Variants in HOMER1 observed in about 807,000 individuals in gnomAD.
HOMER1 encodes the protein homer protein homolog 1.
In HOMER1, 3 loss-of-function variants were observed where a neutral mutation model predicts 48.9. The ratio of observed to expected loss-of-function variants is 0.06; its 90% CI spans 0.03 to 0.16. The LOEUF (loss-of-function observed/expected upper bound fraction) is 0.16. Among genes scored for constraint, HOMER1 ranks in the 10% least tolerant of loss-of-function variants. HOMER1 has a pLI of 1.00. For missense variants in HOMER1, 247 were observed against 411.4 expected (o/e 0.60, Z 3.46); for synonymous variants, 134 against 146.4 (o/e 0.92, Z 0.61).
intron 1 of HOMER1, among the ~76,000 whole-genome samples, chr5:79,504,848 C>T (rs1034247409): frequency 1.3e-5 from 2 of 152,174 alleles, no homozygotes; most frequent in African/African-American, 4.8e-5. Context: ...TATTTATGAG[C>T]ACTAATTCCC....
At chr5:79,456,627 T>C (rs1165705090) in intron 2 of HOMER1, among the ~76,000 whole-genome samples, 1 of 152,190 alleles carries the variant, frequency 6.6e-6, no homozygotes, top group Admixed American at 6.5e-5. Flanking sequence ...ATTAAATAAA[T>C]GGAATGACCT....
chr5:79,392,676 A>C (rs2112207854), intron 8 of HOMER1, among the ~76,000 whole-genome samples: 1 of 152,328 alleles, frequency 6.6e-6, no homozygotes, highest in Non-Finnish European at 1.5e-5. Flanking sequence ...GTGTTGATAA[A>C]GTCTACAGCA....
intron 8 of HOMER1, among the ~76,000 whole-genome samples, chr5:79,385,979 G>A (rs1278551156): frequency 1.3e-5 from 2 of 151,924 alleles, no homozygotes; most frequent in Admixed American, 6.6e-5. Flanking sequence ...AGATGCTGGT[G>A]AGGATATAGC....
intron 5 of HOMER1, among the ~76,000 whole-genome samples, chr5:79,418,799 C>T (rs1236893546): frequency 2.0e-5 from 3 of 152,178 alleles, no homozygotes; most frequent in Non-Finnish European, 2.9e-5. Flanking sequence ...TCTTTTTTCA[C>T]ATGTGCTATT....
chr5:79,439,206 TATCATCTTGAGGTTAAA>T, intron 4 of HOMER1, 57 bp from the exon 5 acceptor site: 1 of 1,571,222 alleles, frequency 6.4e-7, no homozygotes, highest in Non-Finnish European at 8.7e-7. Flanking sequence ...AAGTACACAA[TATCATCTTGAGGTTAAA>T]ACTGCCTTTG....
intron 8 of HOMER1, among the ~76,000 whole-genome samples, chr5:79,394,628 A>G (rs1749334480): frequency 6.6e-6 from 1 of 152,176 alleles, no homozygotes; most frequent in Non-Finnish European, 1.5e-5. Context: ...CCCAGGCTGG[A>G]GTGCAGTGGT....
intron 5 of HOMER1, among the ~76,000 whole-genome samples, chr5:79,412,161 G>T (rs904094833): frequency 1.3e-5 from 2 of 152,062 alleles, no homozygotes; most frequent in Non-Finnish European, 2.9e-5. Flanking sequence ...TAAATAGGTT[G>T]CAGTAGGTTT....
chr5:79,421,775 T>G, intron 5 of HOMER1, among the ~76,000 whole-genome samples: 1 of 152,006 alleles, frequency 6.6e-6, no homozygotes, highest in East Asian at 1.9e-4. Flanking sequence ...CAGCTAATTT[T>G]TTTGTATTTT....
intron 1 of HOMER1, among the ~76,000 whole-genome samples, chr5:79,478,301 A>G (rs1751841511): frequency 1.3e-5 from 2 of 152,222 alleles, no homozygotes; most frequent in African/African-American, 2.4e-5. Context: ...AGATTATAGA[A>G]GGATAAAGGG....
chr5:79,494,913 G>GC (rs1561386764), intron 1 of HOMER1, among the ~76,000 whole-genome samples: 1 of 152,172 alleles, frequency 6.6e-6, no homozygotes, highest in Non-Finnish European at 1.5e-5. Context: ...CTGAGTAGTT[G>GC]ATCTAAAATG....
chr5:79,399,946 G>A (rs1749489808), intron 6 of HOMER1, among the ~76,000 whole-genome samples: 1 of 152,080 alleles, frequency 6.6e-6, no homozygotes, highest in Non-Finnish European at 1.5e-5. Context: ...AAATATGTGA[G>A]TAAATAAATA....
At chr5:79,508,234 G>A (rs183191756) in intron 1 of HOMER1, among the ~76,000 whole-genome samples, 59 of 152,256 alleles carry the variant, frequency 3.9e-4, no homozygotes, top group African/African-American at 1.3e-3. Flanking sequence ...CTAACACAGC[G>A]TCATTAAATA....
intron 4 of HOMER1, among the ~76,000 whole-genome samples, chr5:79,445,440 GT>G: frequency 6.6e-6 from 1 of 152,202 alleles, no homozygotes; most frequent in East Asian, 1.9e-4. Flanking sequence ...TATTATAAAA[GT>G]ACCAAAATGT....
intron 5 of HOMER1, among the ~76,000 whole-genome samples, chr5:79,414,565 G>A (rs1205428370): frequency 6.6e-6 from 1 of 151,974 alleles, no homozygotes; most frequent in Non-Finnish European, 1.5e-5. Context: ...TTTTTGTAGC[G>A]AGGGGGTCTT....
chr5:79,444,012 C>G (rs921975727), intron 4 of HOMER1, among the ~76,000 whole-genome samples: 1 of 152,184 alleles, frequency 6.6e-6, no homozygotes, highest in African/African-American at 2.4e-5. Context: ...ACACCTCCCT[C>G]AAATAAAAAC....
intron 1 of HOMER1, among the ~76,000 whole-genome samples, chr5:79,506,124 A>ATTTT (rs1201992992): frequency 1.0e-5 from 1 of 97,410 alleles, no homozygotes; most frequent in Non-Finnish European, 2.2e-5. Flanking sequence ...TTATTTATTT[A>ATTTT]TTTTTTTGAG....
intron 1 of HOMER1, among the ~76,000 whole-genome samples, chr5:79,459,091 C>T (rs1162416959): frequency 3.3e-5 from 5 of 152,150 alleles, no homozygotes; most frequent in Non-Finnish European, 2.9e-5. Context: ...TCTTTACTAA[C>T]TCGATTACTT....
At chr5:79,387,060 T>C (rs1749132299) in intron 8 of HOMER1, among the ~76,000 whole-genome samples, 1 of 127,316 alleles carries the variant, frequency 7.9e-6, no homozygotes, top group Non-Finnish European at 1.6e-5. Context: ...TCCTTCCTCT[T>C]TCCTTTCTTT....
chr5:79,501,996 G>A (rs986167630), intron 1 of HOMER1, among the ~76,000 whole-genome samples: 6 of 149,640 alleles, frequency 4.0e-5, no homozygotes, highest in Non-Finnish European at 8.9e-5. Context: ...GTATCTAGAT[G>A]TAAGAACAGT....
Sources: gnomAD v4.1 joint callset for allele counts (sites outside exome capture counted in the v4.1 genomes callset) on GRCh38, gnomAD v4.1.1 for gene constraint, MANE v1.5 for transcripts, NCBI Gene and HGNC (gene_info 2026-07-23, HGNC 2026-07-21) for gene names.